Variants in MACROD2 observed in about 807,000 individuals in gnomAD.
The protein encoded by MACROD2 is mono-ADP ribosylhydrolase 2.
A neutral mutation model predicts 70.4 loss-of-function variants in MACROD2; 36 were observed. That is an observed-to-expected ratio of 0.51 (90% CI 0.39 to 0.68). MACROD2 has a LOEUF of 0.68. MACROD2 is among the 30% of genes least tolerant of loss of function. The pLI, the probability that MACROD2 is intolerant of heterozygous loss-of-function variation, is 0.00. For synonymous variants in MACROD2, 172 were observed against 178.8 expected (o/e 0.96, Z 0.30); for missense variants, 496 against 538.4 (o/e 0.92, Z 0.78).
chr20:15,516,876 G>A (rs1160287513), intron 8 of MACROD2, among the ~76,000 whole-genome samples: 2 of 152,116 alleles, frequency 1.3e-5, no homozygotes, highest in Non-Finnish European at 2.9e-5. Context: ...AGAAATCACA[G>A]ATATTTCCTA....
At chr20:16,030,672 A>G (rs1293584951) in intron 15 of MACROD2, among the ~76,000 whole-genome samples, 2 of 152,228 alleles carry the variant, frequency 1.3e-5, no homozygotes, top group Non-Finnish European at 2.9e-5. Flanking sequence ...CTAAGGAGAT[A>G]AATGTTCCAC....
At chr20:15,865,263 G>A (rs1341783405) in intron 9 of MACROD2, among the ~76,000 whole-genome samples, 1 of 151,976 alleles carries the variant, frequency 6.6e-6, no homozygotes, top group East Asian at 1.9e-4. Flanking sequence ...AAGACTCAAA[G>A]AGATCATACT....
At chr20:15,461,550 A>G (rs2046818692) in intron 7 of MACROD2, among the ~76,000 whole-genome samples, 3 of 152,202 alleles carry the variant, frequency 2.0e-5, no homozygotes, top group Non-Finnish European at 4.4e-5. Context: ...AGTACAGTGG[A>G]CAAGTTAGTT....
chr20:15,917,858 A>G (rs2065342647), intron 10 of MACROD2, among the ~76,000 whole-genome samples: 1 of 144,670 alleles, frequency 6.9e-6, no homozygotes, highest in African/African-American at 2.7e-5. Flanking sequence ...GAAAAAAGGA[A>G]AAAAAAAAAA....
At chr20:15,670,787 C>T (rs2049969799) in intron 8 of MACROD2, among the ~76,000 whole-genome samples, 2 of 152,090 alleles carry the variant, frequency 1.3e-5, no homozygotes, top group African/African-American at 4.8e-5. Context: ...TATCGAATAT[C>T]ATTGTATGCT....
At chr20:15,280,225 T>C (rs1265999940) in intron 6 of MACROD2, among the ~76,000 whole-genome samples, 1 of 152,214 alleles carries the variant, frequency 6.6e-6, no homozygotes, top group Admixed American at 6.5e-5. Context: ...GTAAGAATAT[T>C]TGTTTCAGCA....
chr20:14,059,439 T>C (rs915833811), intron 2 of MACROD2, among the ~76,000 whole-genome samples: 5 of 152,120 alleles, frequency 3.3e-5, no homozygotes, highest in Non-Finnish European at 7.4e-5. Flanking sequence ...CAAAAATAGG[T>C]AAATAAGATG....
At chr20:15,613,571 G>C (rs759257148) in intron 8 of MACROD2, among the ~76,000 whole-genome samples, 3 of 152,160 alleles carry the variant, frequency 2.0e-5, no homozygotes, top group Admixed American at 6.5e-5. Context: ...ACCACATTAA[G>C]AATTTTAAGA....
chr20:14,955,757 A>C (rs1192560387), intron 5 of MACROD2, among the ~76,000 whole-genome samples: 3 of 151,924 alleles, frequency 2.0e-5, no homozygotes, highest in African/African-American at 7.3e-5. Flanking sequence ...AATTTGTTTC[A>C]ATGCCTGAGC....
intron 6 of MACROD2, among the ~76,000 whole-genome samples, chr20:15,264,557 T>G (rs1165735733): frequency 1.3e-5 from 2 of 152,158 alleles, no homozygotes; most frequent in African/African-American, 4.8e-5. Context: ...TTTTAAAGAC[T>G]CTTGGAGGGT....
At chr20:14,811,348 T>C (rs1278014024) in intron 5 of MACROD2, among the ~76,000 whole-genome samples, 1 of 152,174 alleles carries the variant, frequency 6.6e-6, no homozygotes, top group Non-Finnish European at 1.5e-5. Flanking sequence ...AAGGATTCCC[T>C]ATTTAATAAA....
At chr20:14,645,315 ATATAT>A (rs1374398369) in intron 4 of MACROD2, among the ~76,000 whole-genome samples, 4 of 152,078 alleles carry the variant, frequency 2.6e-5, no homozygotes, top group Non-Finnish European at 2.9e-5. Context: ...TGAATGAATA[ATATAT>A]TCTAGTCAGC....
intron 9 of MACROD2, among the ~76,000 whole-genome samples, chr20:15,873,125 CT>C (rs1159958000): frequency 1.3e-5 from 2 of 152,148 alleles, no homozygotes; most frequent in African/African-American, 4.8e-5. Context: ...AGTGGAATCA[CT>C]TTTTCAAAAT....
rs572017754 is a variant in MACROD2 at position 15,262,364 on chromosome 20, G to T, written c.540+32303G>T. ...GACCTTCAGTTCCATCCATGGTGTT[G>T]TAAATGACAGGATCTCATTATTTTT... On this transcript the variant is annotated intron_variant, in intron 6 of 17. Coordinates refer to ENST00000684519, the MANE Select transcript of MACROD2 (RefSeq NM_001351661.2). Among the ~76,000 whole-genome samples, 5 of 152,076 alleles carry T rather than the reference G, an allele frequency of 3.3e-5. No individual in the cohort carries two copies. The East Asian group carries it at 9.7e-4, about 29-fold the overall frequency.
At chr20:15,239,759 G>A (rs1197418875) in intron 6 of MACROD2, among the ~76,000 whole-genome samples, 1 of 152,176 alleles carries the variant, frequency 6.6e-6, no homozygotes, top group Admixed American at 6.5e-5. Context: ...GAAGCCAGGA[G>A]AAAGAAAGAA....
intron 2 of MACROD2, among the ~76,000 whole-genome samples, chr20:14,034,266 G>A (rs979348967): frequency 3.3e-5 from 5 of 152,166 alleles, no homozygotes; most frequent in South Asian, 2.1e-4. Context: ...GAGCCACCGC[G>A]TCCAGCCCCT....
At chr20:14,889,827 T>C (rs1301095285) in intron 5 of MACROD2, among the ~76,000 whole-genome samples, 1 of 152,090 alleles carries the variant, frequency 6.6e-6, no homozygotes, top group East Asian at 1.9e-4. Context: ...AGGAATGGTG[T>C]GATTCAATTT....
chr20:14,569,035 A>C (rs1980005238), intron 4 of MACROD2, among the ~76,000 whole-genome samples: 2 of 151,974 alleles, frequency 1.3e-5, no homozygotes, highest in African/African-American at 4.8e-5. Flanking sequence ...CAGTACGTAA[A>C]TCTGAAATTC....
intron 4 of MACROD2, among the ~76,000 whole-genome samples, chr20:14,569,240 C>T (rs1043490696): frequency 6.6e-6 from 1 of 151,842 alleles, no homozygotes; most frequent in African/African-American, 2.4e-5. Context: ...GACAAAATAG[C>T]ATACAGGGAA....
Sources: gnomAD v4.1 joint callset for allele counts (sites outside exome capture counted in the v4.1 genomes callset) on GRCh38, gnomAD v4.1.1 for gene constraint, MANE v1.5 for transcripts, NCBI Gene and HGNC (gene_info 2026-07-23, HGNC 2026-07-21) for gene names.